VWA5B1: variants seen among roughly 807,000 people sequenced by gnomAD.
VWA5B1 encodes the protein von Willebrand factor A domain-containing protein 5B1.
VWA5B1 carries 115 observed loss-of-function variants against 118.2 expected under a neutral mutation model. The ratio of observed to expected loss-of-function variants is 0.97; its 90% CI spans 0.84 to 1.14. VWA5B1 has a LOEUF of 1.14. VWA5B1 is among the 50% of genes most tolerant of loss of function. The pLI, the probability that VWA5B1 is intolerant of heterozygous loss-of-function variation, is 0.00. For synonymous variants in VWA5B1, 682 were observed against 658.4 expected (o/e 1.04, Z -0.55); for missense variants, 1,596 against 1,603.8 (o/e 1.00, Z 0.08).
In VWA5B1 at chr1:20,330,369, G is replaced by C. The variant is rs138366154; in HGVS notation, c.1444G>C (p.Ala482Pro). Residue 482 changes from alanine to proline, a missense_variant, in exon 10 of 22, where the codon GCC (alanine) becomes CCC (proline). By Grantham distance (27) the Ala-to-Pro change is conservative. Coordinates refer to ENST00000289815, the MANE Select transcript of VWA5B1 (RefSeq NM_001039500.3). ...GKVLELVRNH[A>P]FSTRCYSFGI... ...GGTGCTGGAGCTGGTGCGAAATCAC[G>C]CCTTCTCCACCAGGTCGGCCTTGGC... 9.5e-4 allele frequency: 1,472 copies of C among 1,551,718 alleles called. 17 individuals are homozygous for C. The African/African-American group carries it at 0.018, about 19-fold the overall frequency.
At chr1:20,352,273 G>T in intron 21 of VWA5B1, 101 bp downstream of exon 21, 2 of 916,858 alleles carry the variant, frequency 2.2e-6, no homozygotes, top group South Asian at 1.8e-5. Flanking sequence ...TCAAAGAGAA[G>T]AAGGCTTTGG....
chr1:20,349,601 G>A (rs230185), intron 18 of VWA5B1, among the ~76,000 whole-genome samples: 9,938 of 151,750 alleles, frequency 0.065, 396 homozygotes, highest in Admixed American at 0.094. Context: ...CAGGCTGGTC[G>A]CGAACTCCTG....
At chr1:20,320,667 G>A (rs1052935791) in intron 7 of VWA5B1, among the ~76,000 whole-genome samples, 3 of 152,256 alleles carry the variant, frequency 2.0e-5, no homozygotes, top group Admixed American at 2.0e-4. Flanking sequence ...TATGCAAATA[G>A]CCCGTATTCT....
intron 18 of VWA5B1, chr1:20,349,389 T>G (rs1445832096): frequency 6.5e-6 from 1 of 154,102 alleles, no homozygotes; most frequent in Non-Finnish European, 1.4e-5. Flanking sequence ...ATTTATTTAT[T>G]TATTTATTTA....
At position 20,333,017 on chromosome 1, in the gene VWA5B1, G is replaced by A. The variant is rs543603380; in HGVS notation, c.1758+66G>A. ...AACCCATGCCTACAAATCAGCCTTAGCTGGAAAGACTATTTGTGACAGCTA... is the reference window on the plus strand; with the variant it reads ...AACCCATGCCTACAAATCAGCCTTAACTGGAAAGACTATTTGTGACAGCTA... On this transcript the variant is annotated intron_variant, in intron 12 of 21. Coordinates refer to ENST00000289815, the MANE Select transcript of VWA5B1 (RefSeq NM_001039500.3). 44 of 1,513,216 alleles carry A rather than the reference G, an allele frequency of 2.9e-5. No individual in the cohort carries two copies. The Middle Eastern group carries it at 7.3e-4, about 25-fold the overall frequency. 93.7% of individuals were successfully genotyped at this position (1,513,216 alleles called of 1,614,324 possible). A position where few individuals can be genotyped will look rare whatever the true frequency, so the allele number is the denominator to read the frequency against.
rs1252479813 is a variant in VWA5B1 at position 20,343,083 on chromosome 1, G to A, written c.2316G>A (p.Pro772=). 5 of 1,516,342 alleles carry A rather than the reference G, an allele frequency of 3.3e-6. No homozygotes were observed. The highest frequency in any genetic ancestry group is 2.1e-5 in the Admixed American group (1 of 48,126). 93.9% of individuals were successfully genotyped at this position (1,516,342 alleles called of 1,614,324 possible). The change falls in exon 16 of 22, where the codon CCG becomes CCA. Residue 772 remains proline (P), a synonymous_variant. Transcript: ENST00000289815. ...SDSRSPGDLE[P]SHHPSAFETE... ...CACTTGTCCCTCTGCCCGCAGAGCC[G>A]TCCCACCATCCCTCTGCCTTCGAGA...
intron 3 of VWA5B1, among the ~76,000 whole-genome samples, chr1:20,313,795 G>A (rs1297505054): frequency 6.6e-6 from 1 of 152,212 alleles, no homozygotes; most frequent in Non-Finnish European, 1.5e-5. Context: ...GTTAGGATCT[G>A]TCTAGGAGTA....
chr1:20,343,665 A>C (rs867214447), intron 16 of VWA5B1, among the ~76,000 whole-genome samples: 949 of 11,744 alleles, frequency 0.081, no homozygotes, highest in Non-Finnish European at 0.086. Context: ...CGCACACCCC[A>C]CCCCTCCATG....
intron 12 of VWA5B1, 142 bp downstream of exon 12, chr1:20,333,093 T>G: frequency 9.1e-7 from 1 of 1,093,378 alleles, no homozygotes; most frequent in Non-Finnish European, 1.3e-6. Flanking sequence ...TTTTCCCAGT[T>G]GTGGGTTTAC....
chr1:20,321,923 T>C (rs1455021445), intron 7 of VWA5B1, among the ~76,000 whole-genome samples: 1 of 152,126 alleles, frequency 6.6e-6, no homozygotes, highest in East Asian at 1.9e-4. Context: ...TTCAGAGTAT[T>C]CAGTGAGGGC....
intron 1 of VWA5B1, among the ~76,000 whole-genome samples, 153 bp downstream of exon 1, chr1:20,291,241 A>G (rs2088292814): frequency 1.3e-5 from 2 of 151,296 alleles, no homozygotes; most frequent in South Asian, 4.2e-4. Flanking sequence ...GGGTGTGTAC[A>G]CTGTGTGCAG....
At chr1:20,310,361 T>C (rs559667589) in intron 1 of VWA5B1, among the ~76,000 whole-genome samples, 2 of 152,158 alleles carry the variant, frequency 1.3e-5, no homozygotes, top group Non-Finnish European at 2.9e-5. Flanking sequence ...TCAGTTTCTC[T>C]ACCTGTAAAA....
In VWA5B1 at chr1:20,330,295, C is replaced by A; in HGVS notation, c.1370C>A (p.Pro457Gln). ...VIRQPVHRGHPRLLFVITDGA... is the reference protein window; with the variant it reads ...VIRQPVHRGHQRLLFVITDGA... ...AGGCAGCCAGTGCACCGAGGCCACC[C>A]GCGGCTCCTCTTCGTGATCACAGAT... The change falls in exon 10 of 22, where the codon CCG becomes CAG. Residue 457 changes from proline to glutamine, a missense_variant. Transcript: ENST00000289815. 1 of 1,551,792 alleles carries A rather than the reference C, an allele frequency of 6.4e-7. No homozygotes were observed. Among genetic ancestry groups the A allele is most frequent in the South Asian group, 1.2e-5 (1 of 84,058 alleles).
At chr1:20,321,036 G>A (rs1217970040) in intron 7 of VWA5B1, among the ~76,000 whole-genome samples, 1 of 145,936 alleles carries the variant, frequency 6.9e-6, no homozygotes, top group Non-Finnish European at 1.5e-5. Flanking sequence ...CAGAAACCCT[G>A]GTTTAGCAAG....
intron 17 of VWA5B1, among the ~76,000 whole-genome samples, chr1:20,345,859 G>A (rs1426985614): frequency 1.3e-5 from 2 of 152,076 alleles, no homozygotes; most frequent in Non-Finnish European, 1.5e-5. Flanking sequence ...TTCTTCAACC[G>A]GGACAATATG....
Position 20,343,078 on chromosome 1 carries a change from G to A in VWA5B1, c.2312-1G>A, listed in dbSNP as rs55731320. 2 of 1,511,680 alleles carry A rather than the reference G, an allele frequency of 1.3e-6. No homozygotes were observed. Among genetic ancestry groups the A allele is most frequent in the South Asian group, 1.3e-5 (1 of 79,334 alleles). The allele number at this position is 1,511,680 out of a possible 1,614,324, so 93.6% of individuals were successfully genotyped here. Reference sequence around the variant, plus strand: ...TGGCCCACTTGTCCCTCTGCCCGCAGAGCCGTCCCACCATCCCTCTGCCTT... The same window carrying A: ...TGGCCCACTTGTCCCTCTGCCCGCAAAGCCGTCCCACCATCCCTCTGCCTT... On this transcript the variant is annotated splice_acceptor_variant, in intron 15 of 21. Coordinates refer to ENST00000289815, the MANE Select transcript of VWA5B1 (RefSeq NM_001039500.3). LOFTEE classifies it high-confidence loss of function.
At position 20,350,936 on chromosome 1, in the gene VWA5B1, A is replaced by G. The variant is rs1412052617; in HGVS notation, c.3023+10A>G. 5.2e-6 allele frequency: 8 copies of G among 1,551,440 alleles called. No homozygotes were observed. The Admixed American group carries it at 1.4e-4, about 27-fold the overall frequency. On this transcript the variant is annotated intron_variant, in intron 20 of 21. Transcript: ENST00000289815. ...ATCTCTTTGGATCCTGGTAGGTGGG[A>G]TTTCCAATAAAGGTACACTCTCCTG...
chr1:20,345,697 G>T, intron 17 of VWA5B1, 104 bp downstream of exon 17: 1 of 1,420,382 alleles, frequency 7.0e-7, no homozygotes, highest in Non-Finnish European at 9.3e-7. Context: ...CAGGGAGCGG[G>T]GTGAGACAGG....
At position 20,343,201 on chromosome 1, in the gene VWA5B1, G is replaced by GCCCT. The variant is rs762114209; in HGVS notation, c.2435_2438dup (p.Val814ProfsTer84). On this transcript the variant is annotated frameshift_variant, in exon 16 of 22. Transcript: ENST00000289815. LOFTEE classifies it high-confidence loss of function. ...CACCCCGGCCCCGGTGCTGGGCAAG[G>GCCCT]CCCTGGTCAAAGGCCTGCACGACAG... The GCCCT allele has an allele frequency of 4.5e-6, 7 of 1,549,640 alleles. No individual in the cohort carries two copies. In the African/African-American group the frequency reaches 8.2e-5, roughly 18 times the overall value.
Sources: allele counts gnomAD v4.1 joint callset (sites outside exome capture counted in the v4.1 genomes callset), GRCh38; gene constraint gnomAD v4.1.1; transcripts MANE v1.5; gene names NCBI Gene and HGNC (gene_info 2026-07-23, HGNC 2026-07-21).